Variants in PDE1A observed in about 807,000 individuals in gnomAD.
The protein encoded by PDE1A is phosphodiesterase 1A, also known as dual specificity calcium/calmodulin-dependent 3',5'-cyclic nucleotide phosphodiesterase 1A.
A neutral mutation model predicts 61.7 loss-of-function variants in PDE1A; 35 were observed. That is an observed-to-expected ratio of 0.57 (90% CI 0.43 to 0.75). PDE1A has a LOEUF of 0.75. Among genes scored for constraint, PDE1A ranks in the 30% least tolerant of loss-of-function variants. The pLI is 0.00. For missense variants in PDE1A, 597 were observed against 630.6 expected (o/e 0.95, Z 0.57); for synonymous variants, 232 against 213.2 (o/e 1.09, Z -0.77).
chr2:182,450,808 T>A (rs1685459598), intron 2 of PDE1A, among the ~76,000 whole-genome samples: 1 of 152,078 alleles, frequency 6.6e-6, no homozygotes, highest in Non-Finnish European at 1.5e-5. Flanking sequence ...TTTCTCACAT[T>A]TGCAAAAATT....
At chr2:182,530,233 T>C in the PDE1A span, among the ~76,000 whole-genome samples, 10 of 125,972 alleles carry the variant, frequency 7.9e-5, no homozygotes, top group African/African-American at 2.1e-4. Flanking sequence ...AGTATCCTTA[T>C]GAGAAACAAA....
chr2:182,472,320 A>G (rs1177728820), intron 2 of PDE1A, among the ~76,000 whole-genome samples: 1 of 151,988 alleles, frequency 6.6e-6, no homozygotes, highest in African/African-American at 2.4e-5. Flanking sequence ...GTGGCCATCA[A>G]TGGATAACTG....
intron 13 of PDE1A, among the ~76,000 whole-genome samples, chr2:182,152,746 C>T (rs969495567): frequency 6.6e-6 from 1 of 152,030 alleles, no homozygotes; most frequent in African/African-American, 2.4e-5. Flanking sequence ...AATTTTAATG[C>T]ATTTGGAGAA....
chr2:182,153,973 A>G (rs1225469387), intron 13 of PDE1A, among the ~76,000 whole-genome samples: 1 of 152,220 alleles, frequency 6.6e-6, no homozygotes, highest in East Asian at 1.9e-4. Context: ...CATATTCTTT[A>G]TCTTTATAAA....
At chr2:182,471,633 A>G (rs1256047568) in intron 2 of PDE1A, among the ~76,000 whole-genome samples, 1 of 151,764 alleles carries the variant, frequency 6.6e-6, no homozygotes, top group Non-Finnish European at 1.5e-5. Context: ...TTACGTTACC[A>G]TTTCCTTCTT....
chr2:182,396,545 C>T (rs555329367), intron 1 of PDE1A, among the ~76,000 whole-genome samples: 6 of 152,204 alleles, frequency 3.9e-5, no homozygotes, highest in Non-Finnish European at 8.8e-5. Context: ...GTATTTCCTC[C>T]TTATTTTGCT....
chr2:182,178,217 G>T (rs950607829), intron 13 of PDE1A, among the ~76,000 whole-genome samples: 1 of 152,068 alleles, frequency 6.6e-6, no homozygotes, highest in African/African-American at 2.4e-5. Flanking sequence ...ATCCATGCAT[G>T]GCTAAAAGGT....
intron 7 of PDE1A, among the ~76,000 whole-genome samples, chr2:182,211,082 A>C (rs1386907997): frequency 6.6e-6 from 1 of 152,104 alleles, no homozygotes; most frequent in African/African-American, 2.4e-5. Context: ...TAATGGCATT[A>C]ATTTATTTAT....
chr2:182,172,009 A>C (rs1459908534), intron 13 of PDE1A, among the ~76,000 whole-genome samples: 1 of 151,998 alleles, frequency 6.6e-6, no homozygotes, highest in Non-Finnish European at 1.5e-5. Context: ...AGAGCAAGTG[A>C]CTAGGTTTGA....
At chr2:182,151,845 C>A (rs970423837) in intron 13 of PDE1A, among the ~76,000 whole-genome samples, 1 of 151,976 alleles carries the variant, frequency 6.6e-6, no homozygotes. Context: ...TTATCTAGCC[C>A]AACAATCCCT....
chr2:182,484,456 G>T (rs1007088214), intron 2 of PDE1A, among the ~76,000 whole-genome samples: 1 of 151,936 alleles, frequency 6.6e-6, no homozygotes, highest in African/African-American at 2.4e-5. Flanking sequence ...AGGAACAGGC[G>T]AAGACTTCAT....
At chr2:182,233,295 A>C (rs990950465) in intron 4 of PDE1A, among the ~76,000 whole-genome samples, 11 of 152,122 alleles carry the variant, frequency 7.2e-5, no homozygotes, top group African/African-American at 2.7e-4. Context: ...CTACAGACTG[A>C]GTTGGGGTTG....
intron 2 of PDE1A, among the ~76,000 whole-genome samples, chr2:182,480,476 C>T (rs1289554609): frequency 6.6e-6 from 1 of 151,876 alleles, no homozygotes; most frequent in Non-Finnish European, 1.5e-5. Flanking sequence ...CTCTGGGTTC[C>T]ACCTCTGTGG....
intron 10 of PDE1A, among the ~76,000 whole-genome samples, chr2:182,194,881 T>TCACA (rs55809632): frequency 0.018 from 2,567 of 144,904 alleles, 51 homozygotes; most frequent in African/African-American, 0.044. Context: ...TCTGAAATAT[T>TCACA]CACACACACA....
At chr2:182,564,333 T>G in the PDE1A span, among the ~76,000 whole-genome samples, 1 of 152,224 alleles carries the variant, frequency 6.6e-6, no homozygotes, top group Admixed American at 6.5e-5. Context: ...TGGCTGGATA[T>G]GAACTTCTGG....
rs370872434 is a variant in PDE1A at position 182,155,493 on chromosome 2, A to C, written c.1517-8341T>G. On this transcript the variant is annotated intron_variant, in intron 13 of 13. Transcript: ENST00000409365. ...GACTAAATATGGACTAGATATATAC[A>C]TGTAGGATAAACATGTATAATTCAT... Among the ~76,000 whole-genome samples, 12 of 152,302 alleles carry C rather than the reference A, an allele frequency of 7.9e-5. 1 individual carries two copies. Among genetic ancestry groups the C allele is most frequent in the African/African-American group, 2.9e-4 (12 of 41,576 alleles).
chr2:182,600,870 T>C, the PDE1A span, among the ~76,000 whole-genome samples: 1 of 152,212 alleles, frequency 6.6e-6, no homozygotes, highest in African/African-American at 2.4e-5. Flanking sequence ...CCTTGATCAA[T>C]GGCAAATCTG....
the PDE1A span, among the ~76,000 whole-genome samples, chr2:182,543,126 C>G: frequency 6.6e-6 from 1 of 152,052 alleles, no homozygotes; most frequent in African/African-American, 2.4e-5. Flanking sequence ...CAGAGGAGAC[C>G]ACTCAAATCA....
At chr2:182,232,817 C>G (rs2125652130) in intron 4 of PDE1A, among the ~76,000 whole-genome samples, 1 of 152,282 alleles carries the variant, frequency 6.6e-6, no homozygotes, top group African/African-American at 2.4e-5. Flanking sequence ...ATTTACAGTT[C>G]CAACTTGGGG....
Sources: allele counts gnomAD v4.1 joint callset (sites outside exome capture counted in the v4.1 genomes callset), GRCh38; gene constraint gnomAD v4.1.1; transcripts MANE v1.5; gene names NCBI Gene and HGNC (gene_info 2026-07-23, HGNC 2026-07-21).